PLS1: variants seen among roughly 807,000 people sequenced by gnomAD.
PLS1 encodes the protein plastin 1.
Under a neutral mutation model 73.7 loss-of-function variants are expected in PLS1, and 32 were observed. That is an observed-to-expected ratio of 0.43 (90% CI 0.33 to 0.58). PLS1 has a LOEUF of 0.58. PLS1 is among the 20% of genes least tolerant of loss of function. PLS1 has a pLI of 0.04. For missense variants in PLS1, 633 were observed against 740.5 expected (o/e 0.85, Z 1.68); for synonymous variants, 217 against 261.3 (o/e 0.83, Z 1.63).
intron 1 of PLS1, among the ~76,000 whole-genome samples, chr3:142,646,306 T>G (rs1236441795): frequency 1.3e-5 from 2 of 152,140 alleles, no homozygotes; most frequent in Non-Finnish European, 2.9e-5. Context: ...GTCTTTTGTG[T>G]TTTTTGGATA....
chr3:142,709,583 G>A (rs986754819), intron 14 of PLS1, among the ~76,000 whole-genome samples: 6 of 152,152 alleles, frequency 3.9e-5, no homozygotes, highest in African/African-American at 7.2e-5. Context: ...GTGGGAGGCC[G>A]AGGCGGGTGG....
At chr3:142,647,362 A>G (rs1179587802) in intron 1 of PLS1, among the ~76,000 whole-genome samples, 7 of 152,194 alleles carry the variant, frequency 4.6e-5, no homozygotes, top group African/African-American at 1.2e-4. Flanking sequence ...ATAAGTTGCT[A>G]TAATACAATA....
intron 4 of PLS1, among the ~76,000 whole-genome samples, chr3:142,672,233 C>T (rs2037617879): frequency 6.6e-6 from 1 of 151,802 alleles, no homozygotes; most frequent in Admixed American, 6.6e-5. Context: ...CTGATAGTAA[C>T]TATTCTTCCC....
chr3:142,599,237 A>G (rs1331294494), intron 1 of PLS1, among the ~76,000 whole-genome samples: 1 of 150,278 alleles, frequency 6.7e-6, no homozygotes, highest in East Asian at 2.0e-4. Flanking sequence ...TGCCATGGGG[A>G]GGGTGGGCAT....
chr3:142,607,180 T>C (rs1404638364), intron 1 of PLS1, among the ~76,000 whole-genome samples: 1 of 152,162 alleles, frequency 6.6e-6, no homozygotes, highest in Admixed American at 6.5e-5. Context: ...ACCAATAGAC[T>C]TTATCTTTTA....
chr3:142,697,418 C>T (rs1410693829), intron 11 of PLS1, among the ~76,000 whole-genome samples: 2 of 152,008 alleles, frequency 1.3e-5, no homozygotes, highest in African/African-American at 2.4e-5. Flanking sequence ...AACATTCCAC[C>T]CTTACTCTCT....
At chr3:142,696,659 A>G (rs116115706) in intron 11 of PLS1, among the ~76,000 whole-genome samples, 467 of 151,476 alleles carry the variant, frequency 3.1e-3, no homozygotes, top group Admixed American at 5.1e-3. Context: ...AGTTCGTTCT[A>G]GAACTCATCT....
chr3:142,600,907 TATATATA>T (rs1560024516), intron 1 of PLS1, among the ~76,000 whole-genome samples: 8 of 30,266 alleles, frequency 2.6e-4, no homozygotes, highest in African/African-American at 1.1e-3. Flanking sequence ...TATATATATA[TATATATA>T]TATTTTTTTT....
chr3:142,687,852 CA>C (rs1206905028), intron 9 of PLS1, among the ~76,000 whole-genome samples: 1 of 151,918 alleles, frequency 6.6e-6, no homozygotes, highest in African/African-American at 2.4e-5. Context: ...AATATCTAGT[CA>C]ATGTTGACAT....
At chr3:142,641,586 C>G (rs955518644) in intron 1 of PLS1, among the ~76,000 whole-genome samples, 1 of 151,890 alleles carries the variant, frequency 6.6e-6, no homozygotes. Flanking sequence ...TTGGAAGTCT[C>G]TTACTTTCAT....
Position 142,694,452 on chromosome 3 carries a change from G to A in PLS1, c.1178-17G>A. 1.3e-6 allele frequency: 2 copies of A among 1,540,766 alleles called. No individual in the cohort carries two copies. The highest frequency in any genetic ancestry group is 2.3e-5 in the East Asian group (1 of 44,252). On this transcript the variant is annotated splice_polypyrimidine_tract_variant and intron_variant, in intron 10 of 15. Transcript: ENST00000457734. The stretch of plus-strand genomic sequence containing the variant: ...CTTTTGTCCTGAGTCATCAGTGTGA[G>A]CTTGTGTCTACTCTAGGAGAGAGCA...
chr3:142,623,126 A>G (rs1174180543), intron 1 of PLS1, among the ~76,000 whole-genome samples: 2 of 152,148 alleles, frequency 1.3e-5, no homozygotes, highest in East Asian at 1.9e-4. Flanking sequence ...GCCCAGCTCA[A>G]CATTGCCATT....
Position 142,684,026 on chromosome 3 carries a change from GA to G in PLS1, c.602del (p.Asn201IlefsTer50). ...TISENLNLAL[N>X]SASAIGCTVV... Reference sequence around the variant, plus strand: ...TTCAGGAAAATTTAAACCTAGCTCTGAATTCTGCCTCAGCCATTGGTTGTAC... The same window carrying G: ...TTCAGGAAAATTTAAACCTAGCTCTGATTCTGCCTCAGCCATTGGTTGTAC... On this transcript the variant is annotated frameshift_variant, in exon 7 of 16. Transcript: ENST00000457734. LOFTEE classifies it high-confidence loss of function. The G allele has an allele frequency of 6.2e-7, 1 of 1,607,250 alleles. No individual in the cohort carries two copies. The highest frequency in any genetic ancestry group is 8.5e-7 in the Non-Finnish European group (1 of 1,177,866).
At chr3:142,608,040 C>G (rs1334049626) in intron 1 of PLS1, among the ~76,000 whole-genome samples, 1 of 152,022 alleles carries the variant, frequency 6.6e-6, no homozygotes, top group Non-Finnish European at 1.5e-5. Flanking sequence ...GAGACAGGGT[C>G]TGCCATGTTG....
intron 3 of PLS1, among the ~76,000 whole-genome samples, chr3:142,670,229 T>A (rs1392203092): frequency 6.6e-6 from 1 of 152,088 alleles, no homozygotes; most frequent in East Asian, 1.9e-4. Flanking sequence ...AAATGAATAA[T>A]GTAGGAGGCA....
In PLS1 at chr3:142,664,518, G is replaced by A. The variant is rs534851528; in HGVS notation, c.70+211G>A. On this transcript the variant is annotated intron_variant, in intron 2 of 15. Transcript: ENST00000457734. ...AGGTGAATTGGACTTTGAATTCTTT[G>A]ATCATTTCTTTGCAGAGAGTAATCC... 9.2e-5 allele frequency among the ~76,000 whole-genome samples: 14 copies of A among 152,132 alleles called. No individual in the cohort carries two copies. In the East Asian group the frequency reaches 2.7e-3, roughly 29 times the overall value.
At chr3:142,651,478 A>C (rs959416612) in intron 1 of PLS1, among the ~76,000 whole-genome samples, 6 of 151,552 alleles carry the variant, frequency 4.0e-5, no homozygotes, top group East Asian at 3.9e-4. Flanking sequence ...AAAAAAAAAA[A>C]AAAAAAAAAC....
At chr3:142,676,367 G>T (rs2037725417) in intron 5 of PLS1, 78 bp downstream of exon 5, 3 of 1,332,940 alleles carry the variant, frequency 2.3e-6, no homozygotes, top group Non-Finnish European at 3.2e-6. Flanking sequence ...CTCCAATTCA[G>T]CTGTCCATTG....
intron 1 of PLS1, among the ~76,000 whole-genome samples, chr3:142,643,078 A>G (rs989837048): frequency 1.3e-5 from 2 of 152,178 alleles, no homozygotes; most frequent in Non-Finnish European, 2.9e-5. Context: ...TGTATTTGTT[A>G]AGGGCAATGA....
Sources: allele counts gnomAD v4.1 joint callset (sites outside exome capture counted in the v4.1 genomes callset), GRCh38; gene constraint gnomAD v4.1.1; transcripts MANE v1.5; gene names NCBI Gene and HGNC (gene_info 2026-07-23, HGNC 2026-07-21).